The following AKAP10 variants were observed in gnomAD, a reference collection of about 807,000 sequenced individuals.
AKAP10 encodes A-kinase anchor protein 10, mitochondrial.
AKAP10 carries 24 observed loss-of-function variants against 80.8 expected under a neutral mutation model. The observed-to-expected ratio is 0.30, with a 90% CI of 0.22 to 0.42. The LOEUF (loss-of-function observed/expected upper bound fraction) is 0.42. AKAP10 is among the 10% of genes least tolerant of loss of function. The pLI is 1.00. For synonymous variants in AKAP10, 291 were observed against 277.7 expected (o/e 1.05, Z -0.48); for missense variants, 661 against 794.9 (o/e 0.83, Z 2.03).
At chr17:19,924,731 G>C (rs2058746527) in intron 10 of AKAP10, among the ~76,000 whole-genome samples, 2 of 151,990 alleles carry the variant, frequency 1.3e-5, no homozygotes, top group South Asian at 4.2e-4. Context: ...GTACATGCCG[G>C]GCACAGTGAC....
intron 3 of AKAP10, among the ~76,000 whole-genome samples, chr17:19,958,843 T>C (rs1414743179): frequency 2.8e-5 from 3 of 106,670 alleles, no homozygotes; most frequent in African/African-American, 1.5e-4. Context: ...ATGTAAATTC[T>C]TTTTTTTTTT....
chr17:19,961,940 A>G (rs2043354620), intron 3 of AKAP10, among the ~76,000 whole-genome samples: 1 of 152,052 alleles, frequency 6.6e-6, no homozygotes, highest in Non-Finnish European at 1.5e-5. Context: ...ACATAGTGAG[A>G]CCCTGTCTCT....
At chr17:19,960,462 A>T (rs2152418027) in intron 3 of AKAP10, among the ~76,000 whole-genome samples, 1 of 152,324 alleles carries the variant, frequency 6.6e-6, no homozygotes, top group South Asian at 2.1e-4. Context: ...TGTAGTCTTT[A>T]GGGACTGGTT....
chr17:19,948,854 A>AT (rs1481917022), intron 4 of AKAP10, among the ~76,000 whole-genome samples: 2 of 152,194 alleles, frequency 1.3e-5, no homozygotes, highest in Non-Finnish European at 2.9e-5. Flanking sequence ...ACATAAGCAG[A>AT]TAAGATACAA....
chr17:19,936,875 C>A (rs192115987), intron 8 of AKAP10, among the ~76,000 whole-genome samples: 61 of 152,270 alleles, frequency 4.0e-4, no homozygotes, highest in African/African-American at 1.1e-3. Context: ...ATCATCATAA[C>A]TACAAGGCAT....
intron 11 of AKAP10, among the ~76,000 whole-genome samples, chr17:19,920,493 G>C (rs1012460284): frequency 6.6e-6 from 1 of 152,170 alleles, no homozygotes; most frequent in African/African-American, 2.4e-5. Context: ...AGCCATAGTT[G>C]TGTGTATACA....
At chr17:19,919,653 C>T (rs1002116539) in intron 12 of AKAP10, among the ~76,000 whole-genome samples, 6 of 150,074 alleles carry the variant, frequency 4.0e-5, no homozygotes, top group Admixed American at 2.0e-4. Context: ...CACTGCACTC[C>T]GGTCTGGGTG....
intron 3 of AKAP10, among the ~76,000 whole-genome samples, chr17:19,960,415 T>C (rs2043334378): frequency 6.6e-6 from 1 of 152,242 alleles, no homozygotes; most frequent in South Asian, 2.1e-4. Context: ...TTAATTTCTC[T>C]ATTTCAAGAA....
chr17:19,928,270 A>T (rs1231984867), intron 10 of AKAP10, among the ~76,000 whole-genome samples: 1 of 152,154 alleles, frequency 6.6e-6, no homozygotes, highest in Non-Finnish European at 1.5e-5. Context: ...TGGCCAAAGG[A>T]TTTGAATAAA....
rs1007965472 is a variant in AKAP10, at chr17:19,922,538, G to A, written c.1751+1870C>T. 9.2e-5 allele frequency among the ~76,000 whole-genome samples: 14 copies of A among 152,236 alleles called. No individual in the cohort carries two copies. In the South Asian group the frequency reaches 1.0e-3, roughly 11 times the overall value. ...TGGGATTACAAGTGTGAGCCACTGCGCCTGGTGAAGATAATCTTTCAAGAT... is the reference window on the plus strand; with the variant it reads ...TGGGATTACAAGTGTGAGCCACTGCACCTGGTGAAGATAATCTTTCAAGAT... On this transcript the variant is annotated intron_variant, in intron 11 of 14. Transcript: ENST00000225737.
intron 5 of AKAP10, among the ~76,000 whole-genome samples, chr17:19,943,714 C>T (rs2043073575): frequency 6.6e-6 from 1 of 152,154 alleles, no homozygotes; most frequent in Non-Finnish European, 1.5e-5. Flanking sequence ...GTGGGAACTC[C>T]AATTTATAGA....
chr17:19,951,241 C>T (rs1287125909), intron 4 of AKAP10, among the ~76,000 whole-genome samples: 1 of 134,056 alleles, frequency 7.5e-6, no homozygotes, highest in South Asian at 2.3e-4. Context: ...GGGGGGTCAG[C>T]CCCCGCCCGG....
At chr17:19,941,396 T>C (rs1462989678) in intron 6 of AKAP10, among the ~76,000 whole-genome samples, 21 of 152,194 alleles carry the variant, frequency 1.4e-4, no homozygotes, top group Admixed American at 1.4e-3. Context: ...GTAATAAATC[T>C]AAAAAACCTC....
chr17:19,968,250 A>G (rs1442961226), intron 2 of AKAP10, among the ~76,000 whole-genome samples, 164 bp downstream of exon 2: 1 of 151,948 alleles, frequency 6.6e-6, no homozygotes, highest in African/African-American at 2.4e-5. Context: ...TAGATGTTAA[A>G]GCATTATACA....
At position 19,928,730 on chromosome 17, in the gene AKAP10, C is replaced by T. The variant is rs554229194; in HGVS notation, c.1641+3075G>A. Among the ~76,000 whole-genome samples the T allele has an allele frequency of 5.3e-5, 8 of 152,004 alleles. No individual in the cohort carries two copies. In the South Asian group the frequency reaches 1.5e-3, roughly 28 times the overall value. ...CATCTCTACTAAAAAATTAGCTGGG[C>T]GTGGTGGTGCGTGCCTATAGTCCCA... On this transcript the variant is annotated intron_variant, in intron 10 of 14. Transcript: ENST00000225737.
At position 19,905,928 on chromosome 17, in the gene AKAP10, C is replaced by T. The variant is rs764640968; in HGVS notation, c.*299G>A. On this transcript the variant is annotated 3_prime_UTR_variant, in exon 15 of 15. Coordinates refer to ENST00000225737, the MANE Select transcript of AKAP10 (RefSeq NM_007202.4). Reference sequence around the variant, plus strand: ...TGTGGTCCCTGTCTATTCCAGTAGGCTAAAACACTCTCATAAATGGGTTAT... The same window carrying T: ...TGTGGTCCCTGTCTATTCCAGTAGGTTAAAACACTCTCATAAATGGGTTAT... 1.8e-5 allele frequency: 7 copies of T among 380,102 alleles called. No individual in the cohort carries two copies. Among genetic ancestry groups the T allele is most frequent in the Non-Finnish European group, 3.4e-5 (7 of 204,670 alleles). The allele number at this position is 380,102 out of a possible 1,614,324, so 23.5% of individuals were successfully genotyped here.
intron 5 of AKAP10, among the ~76,000 whole-genome samples, chr17:19,946,276 T>TATATAATATATATATA (rs1491441373): frequency 9.3e-5 from 1 of 10,810 alleles, no homozygotes; most frequent in South Asian, 3.0e-3. Flanking sequence ...TATATATATA[T>TATATAATATATATATA]TTTTTTTTTT....
intron 14 of AKAP10, among the ~76,000 whole-genome samples, chr17:19,906,899 T>C (rs935146756): frequency 6.6e-6 from 1 of 152,182 alleles, no homozygotes; most frequent in African/African-American, 2.4e-5. Context: ...GGGGTTTTGG[T>C]GTCGAATTTC....
intron 4 of AKAP10, among the ~76,000 whole-genome samples, chr17:19,956,638 C>G (rs2043278825): frequency 6.6e-6 from 1 of 152,160 alleles, no homozygotes; most frequent in South Asian, 2.1e-4. Flanking sequence ...GCAATCTTCT[C>G]ACCTTAAGCT....
Sources: gnomAD v4.1 joint callset for allele counts (sites outside exome capture counted in the v4.1 genomes callset) on GRCh38, gnomAD v4.1.1 for gene constraint, MANE v1.5 for transcripts, NCBI Gene and HGNC (gene_info 2026-07-23, HGNC 2026-07-21) for gene names.